Variants in TRPM3 observed in about 807,000 individuals in gnomAD.
TRPM3 encodes the protein transient receptor potential cation channel subfamily M member 3.
A neutral mutation model predicts 181.2 loss-of-function variants in TRPM3; 77 were observed. The observed-to-expected ratio is 0.42, with a 90% CI of 0.35 to 0.51. The LOEUF is 0.51. TRPM3 is among the 20% of genes least tolerant of loss of function. The pLI, the probability that TRPM3 is intolerant of heterozygous loss-of-function variation, is 0.01. For synonymous variants in TRPM3, 745 were observed against 796.4 expected (o/e 0.94, Z 1.09); for missense variants, 1,759 against 2,196.7 (o/e 0.80, Z 3.98).
intron 6 of TRPM3, among the ~76,000 whole-genome samples, chr9:70,797,043 T>G (rs1024819954): frequency 6.6e-6 from 1 of 152,142 alleles, no homozygotes; most frequent in Admixed American, 6.5e-5. Flanking sequence ...GGTGGGAGGA[T>G]TGCTTGAGCC....
In TRPM3 at chr9:71,399,521, CTTTTGTTTTTTTTTTTTT is replaced by C. The variant is rs1164262807; in HGVS notation, c.183+47114_183+47131del. 4.0e-3 allele frequency among the ~76,000 whole-genome samples: 430 copies of C among 107,520 alleles called. 4 individuals carry two copies. The highest frequency in any genetic ancestry group is 0.013 in the African/African-American group (414 of 31,570). The allele number at this position is 107,520 out of a possible 152,430, so 70.5% of individuals were successfully genotyped here. ...ATATTCATTTTACTCCTTATATTTT[CTTTTGTTTTTTTTTTTTT>C]TTTTTTTGAGAAGGAGTCTCACTCT... On this transcript the variant is annotated intron_variant, in intron 1 of 24. Coordinates refer to the TRPM3 transcript ENST00000357533.
At chr9:70,767,163 G>A (rs1007009543) in intron 7 of TRPM3, among the ~76,000 whole-genome samples, 3 of 152,210 alleles carry the variant, frequency 2.0e-5, no homozygotes, top group African/African-American at 7.2e-5. Context: ...TGCACATCTG[G>A]TGAGTCCGGT....
chr9:71,349,902 A>G (rs2091508437), intron 1 of TRPM3, among the ~76,000 whole-genome samples: 1 of 151,460 alleles, frequency 6.6e-6, no homozygotes, highest in South Asian at 2.1e-4. Flanking sequence ...CTCCATCATA[A>G]TAGTGTTCTC....
intron 1 of TRPM3, among the ~76,000 whole-genome samples, chr9:71,202,189 A>G (rs531967187): frequency 7.2e-5 from 11 of 152,098 alleles, no homozygotes; most frequent in Admixed American, 1.3e-4. Context: ...TTCCTCTGGA[A>G]GTTTTGTCTC....
intron 1 of TRPM3, among the ~76,000 whole-genome samples, chr9:71,348,970 T>C (rs894818447): frequency 1.3e-5 from 2 of 152,214 alleles, no homozygotes; most frequent in Admixed American, 6.5e-5. Flanking sequence ...CTATTGAAGA[T>C]CAGTTAAGTT....
intron 5 of TRPM3, among the ~76,000 whole-genome samples, chr9:70,842,100 C>A (rs2094708174): frequency 6.6e-6 from 1 of 152,050 alleles, no homozygotes; most frequent in Non-Finnish European, 1.5e-5. Context: ...TTGTTTACTG[C>A]TTGTGTTTCA....
intron 1 of TRPM3, among the ~76,000 whole-genome samples, chr9:71,333,601 G>A (rs943401354): frequency 6.6e-6 from 1 of 151,886 alleles, no homozygotes; most frequent in African/African-American, 2.4e-5. Flanking sequence ...TCTAAGGAAC[G>A]GAATTCCTCC....
In TRPM3 at chr9:71,293,397, AATT is replaced by A. The variant is rs1643180821; in HGVS notation, c.183+153253_183+153255del. On this transcript the variant is annotated intron_variant, in intron 1 of 24. Transcript: ENST00000357533. ...TGCATAGAAAACTTAAGCATTTCCA[AATT>A]ATTAAAATAAAGTACACCACTTTTA... Among the ~76,000 whole-genome samples, 6 of 151,920 alleles carry A rather than the reference AATT, an allele frequency of 3.9e-5. 1 individual carries two copies. The South Asian group carries it at 1.2e-3, about 31-fold the overall frequency.
At chr9:71,119,920 C>A (rs6560176) in intron 1 of TRPM3, among the ~76,000 whole-genome samples, 1 of 152,146 alleles carries the variant, frequency 6.6e-6, no homozygotes, top group Non-Finnish European at 1.5e-5. Context: ...CCTAGGGAAG[C>A]AAGCCATCGC....
chr9:70,925,300 C>A (rs2096709929), intron 1 of TRPM3, among the ~76,000 whole-genome samples: 1 of 152,114 alleles, frequency 6.6e-6, no homozygotes, highest in Non-Finnish European at 1.5e-5. Context: ...TTGATGGAAA[C>A]AATGTGTGTT....
chr9:71,230,934 T>C (rs1464114390), intron 1 of TRPM3, among the ~76,000 whole-genome samples: 1 of 152,122 alleles, frequency 6.6e-6, no homozygotes, highest in Non-Finnish European at 1.5e-5. Flanking sequence ...ATTTCTCATA[T>C]CACAGGAAAG....
chr9:71,189,424 G>A (rs1164567812), intron 1 of TRPM3, among the ~76,000 whole-genome samples: 3 of 151,922 alleles, frequency 2.0e-5, no homozygotes, highest in Non-Finnish European at 2.9e-5. Flanking sequence ...ACTAACACAC[G>A]TGCATATACA....
intron 22 of TRPM3, among the ~76,000 whole-genome samples, chr9:70,563,822 G>A (rs772351443): frequency 1.1e-4 from 16 of 152,310 alleles, no homozygotes; most frequent in Admixed American, 2.0e-4. Context: ...GTGTGGTCAT[G>A]TCTTCTGATT....
chr9:71,143,655 T>G (rs915623318), intron 1 of TRPM3, among the ~76,000 whole-genome samples: 2 of 152,192 alleles, frequency 1.3e-5, no homozygotes, highest in African/African-American at 2.4e-5. Flanking sequence ...AACATACACA[T>G]ACATGTGTCT....
chr9:71,186,416 C>T (rs534994899), intron 1 of TRPM3, among the ~76,000 whole-genome samples: 2 of 152,176 alleles, frequency 1.3e-5, no homozygotes, highest in Admixed American at 1.3e-4. Context: ...AGGTCACCCA[C>T]TTCTCTATTT....
intron 6 of TRPM3, among the ~76,000 whole-genome samples, chr9:70,795,814 C>G (rs2086880549): frequency 2.0e-5 from 3 of 152,192 alleles, no homozygotes; most frequent in African/African-American, 7.2e-5. Context: ...GGCCAGATGG[C>G]TCTGATTGAA....
intron 1 of TRPM3, among the ~76,000 whole-genome samples, chr9:71,053,166 C>T (rs113561707): frequency 6.8e-5 from 10 of 147,154 alleles, no homozygotes; most frequent in African/African-American, 2.5e-4. Context: ...CATTCACAAC[C>T]TGGAATGGAC....
chr9:70,562,871 C>G (rs1037039962), intron 22 of TRPM3, among the ~76,000 whole-genome samples: 5 of 152,134 alleles, frequency 3.3e-5, no homozygotes, highest in Admixed American at 2.0e-4. Context: ...TTGTACACGC[C>G]AGTGGGTTTG....
At chr9:71,123,062 C>T (rs1050367068), upstream of TRPM3, among the ~76,000 whole-genome samples, 10 of 152,064 alleles carry the variant, frequency 6.6e-5, no homozygotes, top group African/African-American at 2.4e-4. Context: ...CAAGTGAGGT[C>T]CAGAGAAATT....
Sources: gnomAD v4.1 joint callset for allele counts (sites outside exome capture counted in the v4.1 genomes callset) on GRCh38, gnomAD v4.1.1 for gene constraint, MANE v1.5 for transcripts, NCBI Gene and HGNC (gene_info 2026-07-23, HGNC 2026-07-21) for gene names.